CAST: variants seen among roughly 807,000 people sequenced by gnomAD.
The protein encoded by CAST is MIR583 host.
CAST carries 76 observed loss-of-function variants against 119.6 expected under a neutral mutation model. That is an observed-to-expected ratio of 0.64 (90% CI 0.53 to 0.77). The LOEUF is 0.77. Ranked by LOEUF, CAST falls within the 30% of genes least tolerant of loss-of-function variation. CAST has a pLI of 0.00. For missense variants in CAST, 953 were observed against 946.5 expected, an observed-to-expected ratio of 1.01 and a Z score of -0.09; for synonymous variants, 319 against 331.6, an observed-to-expected ratio of 0.96 and a Z score of 0.41.
the CAST span, among the ~76,000 whole-genome samples, chr5:96,438,023 C>T: frequency 6.6e-6 from 1 of 152,152 alleles, no homozygotes; most frequent in Non-Finnish European, 1.5e-5. Context: ...ATTCATACTT[C>T]GAAGGCAGAT....
chr5:96,632,044 A>T (rs983429219), intron 1 of CAST, among the ~76,000 whole-genome samples: 10 of 151,646 alleles, frequency 6.6e-5, no homozygotes, highest in African/African-American at 2.4e-4. Context: ...TATTATTATT[A>T]TTATAGCTAT....
At chr5:96,532,355 G>A (rs1412584309) in intron 1 of CAST, among the ~76,000 whole-genome samples, 4 of 152,142 alleles carry the variant, frequency 2.6e-5, no homozygotes, top group African/African-American at 9.7e-5. Flanking sequence ...ATCACTAAGG[G>A]TATAAACAAG....
At chr5:96,364,147 G>A in the CAST span, among the ~76,000 whole-genome samples, 7 of 152,234 alleles carry the variant, frequency 4.6e-5, no homozygotes, top group East Asian at 1.2e-3. Context: ...ACTGATTTTC[G>A]TATGTTGAAG....
chr5:96,640,473 A>G (rs1747936437), intron 1 of CAST, among the ~76,000 whole-genome samples: 2 of 152,214 alleles, frequency 1.3e-5, no homozygotes, highest in Non-Finnish European at 2.9e-5. Context: ...TCCAGATAGT[A>G]AAACACCTAC....
chr5:96,154,642 A>G, the CAST span, among the ~76,000 whole-genome samples: 1 of 152,152 alleles, frequency 6.6e-6, no homozygotes, highest in Non-Finnish European at 1.5e-5. Flanking sequence ...ATCCCCATAG[A>G]TTCCTATTGG....
chr5:96,406,629 C>T, the CAST span, among the ~76,000 whole-genome samples: 1 of 152,192 alleles, frequency 6.6e-6, no homozygotes, highest in Non-Finnish European at 1.5e-5. Flanking sequence ...ACTGGACTCT[C>T]CTGGACAAAG....
intron 3 of CAST, among the ~76,000 whole-genome samples, chr5:96,711,544 C>A (rs750659963): frequency 1.3e-5 from 2 of 152,130 alleles, no homozygotes; most frequent in Non-Finnish European, 2.9e-5. Context: ...GTAAGAGTTG[C>A]ATATTTTACA....
At chr5:96,431,060 G>C in the CAST span, among the ~76,000 whole-genome samples, 56 of 152,242 alleles carry the variant, frequency 3.7e-4, 1 homozygote, top group Middle Eastern at 3.4e-3. Context: ...GTGCTATTTA[G>C]CCTTTCAGTA....
At chr5:96,411,240 G>A in the CAST span, among the ~76,000 whole-genome samples, 1 of 152,216 alleles carries the variant, frequency 6.6e-6, no homozygotes, top group African/African-American at 2.4e-5. Context: ...TCTTTCTTAT[G>A]CAGATTCATA....
At chr5:96,407,647 G>A in the CAST span, among the ~76,000 whole-genome samples, 2 of 152,150 alleles carry the variant, frequency 1.3e-5, no homozygotes, top group African/African-American at 4.8e-5. Context: ...TACTGACAAT[G>A]GTGTTTAAGC....
At chr5:96,076,208 G>A in the CAST span, among the ~76,000 whole-genome samples, 10 of 152,122 alleles carry the variant, frequency 6.6e-5, no homozygotes, top group Non-Finnish European at 1.0e-4. Context: ...TAAAGGAAAA[G>A]GTCAAATAAC....
At chr5:96,688,537 T>C (rs188421729) in intron 2 of CAST, among the ~76,000 whole-genome samples, 3 of 152,320 alleles carry the variant, frequency 2.0e-5, no homozygotes, top group African/African-American at 7.2e-5. Flanking sequence ...GACGAAGGCA[T>C]TTTTAATACT....
intron 22 of CAST, chr5:96,755,143 C>T (rs1405397389): frequency 1.9e-5 from 3 of 155,354 alleles, no homozygotes; most frequent in Non-Finnish European, 4.3e-5. Context: ...GAGTTCAAGA[C>T]TAGCCTGGGC....
the CAST span, among the ~76,000 whole-genome samples, chr5:96,438,073 C>T: frequency 6.6e-6 from 1 of 152,150 alleles, no homozygotes; most frequent in Non-Finnish European, 1.5e-5. Context: ...CTAGGTTAAA[C>T]ATCCCCAACC....
At chr5:95,984,987 A>AATTTTACCTGTTTCTTTTTTTTTTTTT in the CAST span, among the ~76,000 whole-genome samples, 114 of 152,222 alleles carry the variant, frequency 7.5e-4, 1 homozygote, top group African/African-American at 2.2e-3. Context: ...TATTAAAGCC[A>AATTTTACCTGTTTCTTTTTTTTTTTTT]AAAGTGGTTT....
the CAST span, among the ~76,000 whole-genome samples, chr5:96,389,800 CG>C: frequency 6.6e-6 from 1 of 151,918 alleles, no homozygotes; most frequent in East Asian, 1.9e-4. Flanking sequence ...CTGGGTGTGG[CG>C]GTGCACACCT....
the CAST span, chr5:96,412,535 A>G: frequency 1.9e-6 from 3 of 1,540,442 alleles, no homozygotes; most frequent in Non-Finnish European, 2.7e-6. Context: ...TGATGTCAGT[A>G]TGTACATGGA....
the CAST span, among the ~76,000 whole-genome samples, chr5:96,256,711 G>A: frequency 2.6e-5 from 4 of 151,872 alleles, no homozygotes; most frequent in East Asian, 1.9e-4. Context: ...GCAGTTGATC[G>A]AAATGTCATT....
At chr5:96,729,250 T>C (rs1759962202) in intron 7 of CAST, 41 bp downstream of exon 7, 1 of 1,045,232 alleles carries the variant, frequency 9.6e-7, no homozygotes, top group Non-Finnish European at 1.5e-6. Context: ...AGGCAACCTC[T>C]TTTGGTGGGA....
Sources: allele counts gnomAD v4.1 joint callset (sites outside exome capture counted in the v4.1 genomes callset), GRCh38; gene constraint gnomAD v4.1.1; transcripts MANE v1.5; gene names NCBI Gene and HGNC (gene_info 2026-07-23, HGNC 2026-07-21).